The following LAMA3 variants were observed in gnomAD, a reference collection of about 807,000 sequenced individuals.
LAMA3 encodes the protein laminin subunit alpha-3.
LAMA3 carries 281 observed loss-of-function variants against 402.0 expected under a neutral mutation model. The observed-to-expected ratio is 0.70, with a 90% CI of 0.63 to 0.77. LAMA3 has a LOEUF of 0.77. Among genes scored for constraint, LAMA3 ranks in the 30% least tolerant of loss-of-function variants. The probability of loss-of-function intolerance (pLI) is 0.00; values close to 1 mark genes in which losing one functional copy is unlikely to be tolerated. For synonymous variants in LAMA3, 1,431 were observed against 1,558.4 expected, an observed-to-expected ratio of 0.92 and a Z score of 1.93; for missense variants, 3,840 against 4,215.5, an observed-to-expected ratio of 0.91 and a Z score of 2.47.
chr18:23,763,054 A>T (rs2062003718), intron 7 of LAMA3, among the ~76,000 whole-genome samples: 1 of 152,006 alleles, frequency 6.6e-6, no homozygotes, highest in South Asian at 2.1e-4. Flanking sequence ...ACAGGGTTTC[A>T]CCATATTGGC....
chr18:23,729,163 TAGAGAG>T (rs968095212), intron 2 of LAMA3, among the ~76,000 whole-genome samples: 1 of 148,488 alleles, frequency 6.7e-6, no homozygotes, highest in Non-Finnish European at 1.5e-5. Context: ...TTTGTGTGTG[TAGAGAG>T]AGAGAGAGAC....
chr18:23,784,308 A>C, intron 12 of LAMA3, 151 bp downstream of exon 12: 1 of 907,034 alleles, frequency 1.1e-6, no homozygotes, highest in South Asian at 1.4e-5. Context: ...TGATGGTCCT[A>C]CCTGGACCTT....
intron 25 of LAMA3, among the ~76,000 whole-genome samples, chr18:23,838,164 A>G (rs1392485411): frequency 1.3e-5 from 2 of 152,306 alleles, no homozygotes; most frequent in South Asian, 2.1e-4. Context: ...GTATTCACCA[A>G]AAATGTTTGT....
chr18:23,845,609 C>T (rs912888414), intron 30 of LAMA3, among the ~76,000 whole-genome samples: 1 of 152,208 alleles, frequency 6.6e-6, no homozygotes, highest in Non-Finnish European at 1.5e-5. Context: ...GTATCAGCTC[C>T]TGCCATTCTC....
At chr18:23,751,172 TA>T in intron 5 of LAMA3, 84 bp downstream of exon 5, 1 of 1,270,080 alleles carries the variant, frequency 7.9e-7, no homozygotes. Context: ...CTCTTTTAAG[TA>T]ACCTTTATAG....
At chr18:23,938,990 A>G (rs1021522794) in intron 67 of LAMA3, among the ~76,000 whole-genome samples, 2 of 152,114 alleles carry the variant, frequency 1.3e-5, no homozygotes, top group African/African-American at 2.4e-5. Flanking sequence ...GGCTTCGGGA[A>G]AGGTTAAAGA....
intron 1 of LAMA3, among the ~76,000 whole-genome samples, chr18:23,707,771 G>T (rs2060917714): frequency 6.7e-6 from 1 of 148,346 alleles, no homozygotes; most frequent in African/African-American, 2.5e-5. Context: ...TTTTGAGACA[G>T]AGTCTTGCTC....
chr18:23,761,039 A>G (rs1397176152), intron 7 of LAMA3, among the ~76,000 whole-genome samples: 1 of 152,192 alleles, frequency 6.6e-6, no homozygotes, highest in African/African-American at 2.4e-5. Context: ...GAGAGCTACT[A>G]TTAATATTTT....
At chr18:23,773,466 C>A in intron 8 of LAMA3, 31 bp from the exon 9 acceptor site, 2 of 1,401,246 alleles carry the variant, frequency 1.4e-6, no homozygotes, top group East Asian at 2.4e-5. Context: ...CCCCAGAACC[C>A]TTCCTTTAAG....
rs561309671 is a variant in LAMA3 at position 23,953,077 on chromosome 18, C to T, written c.9824C>T (p.Thr3275Ile). ...CAGATCCCCTTCCCACCTGCCAGCA[C>T]TCAAGAGCCACTACACCTTGGAGGT... is the stretch of plus-strand genomic sequence containing the variant. Reference protein sequence around the residue: ...AGQIPFPPASTQEPLHLGGAP... With the variant: ...AGQIPFPPASIQEPLHLGGAP... Residue 3275 changes from threonine to isoleucine, a missense_variant, in exon 74 of 75, where the codon ACT becomes ATT. Coordinates refer to ENST00000313654, the MANE Select transcript of LAMA3 (RefSeq NM_198129.4). 5.0e-5 allele frequency: 80 copies of T among 1,614,126 alleles called. No homozygotes were observed. In the South Asian group the frequency reaches 8.6e-4, roughly 17 times the overall value.
intron 23 of LAMA3, among the ~76,000 whole-genome samples, chr18:23,828,682 T>G (rs987860455): frequency 6.6e-6 from 1 of 152,196 alleles, no homozygotes; most frequent in Non-Finnish European, 1.5e-5. Context: ...TCTAGGAGGT[T>G]CTAACCTCTG....
intron 29 of LAMA3, among the ~76,000 whole-genome samples, chr18:23,844,339 CCTT>C (rs1404553635): frequency 6.6e-6 from 1 of 152,214 alleles, no homozygotes; most frequent in Non-Finnish European, 1.5e-5. Flanking sequence ...CAAGCTAACA[CCTT>C]CTTTCTGCAT....
chr18:23,715,540 T>C (rs2061082168), intron 2 of LAMA3, among the ~76,000 whole-genome samples: 1 of 152,142 alleles, frequency 6.6e-6, no homozygotes, highest in Non-Finnish European at 1.5e-5. Flanking sequence ...TTTTAAGAGT[T>C]CTGCTCAATG....
chr18:23,822,243 A>G lies in LAMA3; in HGVS notation c.2305-9A>G, dbSNP rs766350699. 1.2e-6 allele frequency: 2 copies of G among 1,613,722 alleles called. No homozygotes were observed. The highest frequency in any genetic ancestry group is 1.1e-5 in the South Asian group (1 of 91,070). The stretch of plus-strand genomic sequence containing the variant: ...TTTCTATGCTTTATGGCGTTTCGGT[A>G]TTTTTCAGAATGATGTAAGAATAAC... On this transcript the variant is annotated splice_polypyrimidine_tract_variant and intron_variant, in intron 19 of 74. Coordinates refer to ENST00000313654, the MANE Select transcript of LAMA3 (RefSeq NM_198129.4).
In LAMA3 at chr18:23,714,015, TC is replaced by T. The variant is rs887748208; in HGVS notation, c.394del (p.Leu132CysfsTer26). 26 of 1,613,720 alleles carry T rather than the reference TC, an allele frequency of 1.6e-5. No individual in the cohort carries two copies. The highest frequency in any genetic ancestry group is 2.2e-5 in the Non-Finnish European group (26 of 1,179,928). On this transcript the variant is annotated frameshift_variant, in exon 2 of 75. Transcript: ENST00000313654. LOFTEE classifies it high-confidence loss of function. Reference sequence around the variant, plus strand: ...GATCTGAACGTTGGTGGCAAAGCCCTCCCCTGTCCTCAGGCACACAGTACAA... The same window carrying T: ...GATCTGAACGTTGGTGGCAAAGCCCTCCCTGTCCTCAGGCACACAGTACAA... ...DGSERWWQSP[P>X]LSSGTQYNRV... is the part of the protein sequence containing the mutation.
chr18:23,943,800 T>C lies in LAMA3; in HGVS notation c.9039T>C (p.Ala3013=), dbSNP rs1344026047. The change falls in exon 69 of 75, where the codon GCT becomes GCC. Residue 3013 remains alanine (A), a synonymous_variant. Coordinates refer to ENST00000313654, the MANE Select transcript of LAMA3 (RefSeq NM_198129.4). ...QELLKPRSQF[A]VDMQTTSSRG... ...ATGTTCCCAACAGGTCACAGTTTGCTGTGGACATGCAGACAACATCCTCCA... is the reference window on the plus strand; with the variant it reads ...ATGTTCCCAACAGGTCACAGTTTGCCGTGGACATGCAGACAACATCCTCCA... The C allele has an allele frequency of 1.2e-6, 2 of 1,613,978 alleles. No individual in the cohort carries two copies. Among genetic ancestry groups the C allele is most frequent in the Admixed American group, 1.7e-5 (1 of 60,018 alleles).
intron 7 of LAMA3, among the ~76,000 whole-genome samples, chr18:23,760,683 A>G (rs2061949671): frequency 6.6e-6 from 1 of 152,312 alleles, no homozygotes; most frequent in South Asian, 2.1e-4. Flanking sequence ...TTAAAAAAAT[A>G]AATAAAGTAA....
intron 12 of LAMA3, among the ~76,000 whole-genome samples, chr18:23,798,368 GT>G (rs906490333): frequency 1.3e-5 from 2 of 152,192 alleles, no homozygotes; most frequent in Non-Finnish European, 2.9e-5. Flanking sequence ...TAGTCTTTGG[GT>G]TGTGGTATCC....
chr18:23,815,495 C>T lies in LAMA3; in HGVS notation c.1969C>T (p.His657Tyr), dbSNP rs2063158206. Residue 657 changes from histidine to tyrosine, a missense_variant, in exon 17 of 75, where the codon CAT (histidine) becomes TAT (tyrosine). Coordinates refer to ENST00000313654, the MANE Select transcript of LAMA3 (RefSeq NM_198129.4). Reference protein sequence around the residue: ...QGDGDCHCKSHVGGDSCDTCE... With the variant: ...QGDGDCHCKSYVGGDSCDTCE... The stretch of plus-strand genomic sequence containing the variant: ...AGATGGTGACTGTCACTGCAAGTCC[C>T]ATGTGGGTGGCGATTCCTGCGACAC... 6.2e-7 allele frequency: 1 copy of T among 1,613,954 alleles called. No homozygotes were observed. The highest frequency in any genetic ancestry group is 1.7e-5 in the Admixed American group (1 of 59,994).
Sources: allele counts gnomAD v4.1 joint callset (sites outside exome capture counted in the v4.1 genomes callset), GRCh38; gene constraint gnomAD v4.1.1; transcripts MANE v1.5; gene names NCBI Gene and HGNC (gene_info 2026-07-23, HGNC 2026-07-21).